XRCC4: variants seen among roughly 807,000 people sequenced by gnomAD.
XRCC4 encodes X-ray repair cross complementing 4.
XRCC4 carries 28 observed loss-of-function variants against 39.1 expected under a neutral mutation model. That is an observed-to-expected ratio of 0.72 (90% CI 0.53 to 0.98). The LOEUF is 0.98. Ranked by LOEUF, XRCC4 falls within the 50% of genes least tolerant of loss-of-function variation. The pLI is 0.00. For missense variants in XRCC4, 350 were observed against 376.4 expected, an observed-to-expected ratio of 0.93 and a Z score of 0.58; for synonymous variants, 123 against 126.4, an observed-to-expected ratio of 0.97 and a Z score of 0.18.
intron 7 of XRCC4, among the ~76,000 whole-genome samples, chr5:83,351,661 G>A (rs1397783212): frequency 2.0e-5 from 3 of 151,966 alleles, no homozygotes; most frequent in Non-Finnish European, 2.9e-5. Context: ...AAATCCCAGA[G>A]GGTAGTACTT....
intron 7 of XRCC4, chr5:83,259,357 T>G (rs765782416): frequency 6.6e-6 from 1 of 152,146 alleles, no homozygotes; most frequent in Non-Finnish European, 1.5e-5. Flanking sequence ...TTTTGTTAAT[T>G]CAGTAAATAG....
chr5:83,138,943 AAAT>A (rs756338621), intron 3 of XRCC4, among the ~76,000 whole-genome samples: 1 of 152,148 alleles, frequency 6.6e-6, no homozygotes, highest in African/African-American at 2.4e-5. Flanking sequence ...GAAGTTGAAA[AAAT>A]AATAAAGAGA....
At chr5:83,084,281 G>A (rs1000420180) in intron 1 of XRCC4, among the ~76,000 whole-genome samples, 2 of 152,172 alleles carry the variant, frequency 1.3e-5, no homozygotes, top group Non-Finnish European at 2.9e-5. Context: ...GGGAGTTAAT[G>A]CATTGTATAG....
intron 3 of XRCC4, among the ~76,000 whole-genome samples, chr5:83,132,200 A>G (rs1457465630): frequency 2.0e-5 from 3 of 152,086 alleles, no homozygotes; most frequent in African/African-American, 7.2e-5. Flanking sequence ...AGAATGTTGA[A>G]TATTGGCCCC....
At chr5:83,372,609 A>G in the XRCC4 span, among the ~76,000 whole-genome samples, 1 of 152,224 alleles carries the variant, frequency 6.6e-6, no homozygotes, top group Admixed American at 6.5e-5. Flanking sequence ...CATTATTTTT[A>G]AACTGTCTGT....
intron 1 of XRCC4, among the ~76,000 whole-genome samples, chr5:83,089,148 A>G (rs932298615): frequency 6.6e-6 from 1 of 152,238 alleles, no homozygotes; most frequent in Admixed American, 6.5e-5. Flanking sequence ...TGATACCTTG[A>G]TAACAAATGA....
intron 3 of XRCC4, among the ~76,000 whole-genome samples, chr5:83,140,661 A>T (rs1748126961): frequency 6.6e-6 from 1 of 152,328 alleles, no homozygotes; most frequent in South Asian, 2.1e-4. Flanking sequence ...TGAAAAACAA[A>T]TTTTTAAAAT....
At chr5:83,274,554 A>G (rs1051368620) in intron 7 of XRCC4, among the ~76,000 whole-genome samples, 19 of 152,244 alleles carry the variant, frequency 1.2e-4, no homozygotes, top group Non-Finnish European at 2.2e-4. Context: ...ATAAATAAAC[A>G]TGGACACATT....
chr5:83,270,211 G>A (rs1310429007), intron 7 of XRCC4, among the ~76,000 whole-genome samples: 6 of 152,054 alleles, frequency 3.9e-5, no homozygotes, highest in East Asian at 3.9e-4. Flanking sequence ...GATGGGAGGC[G>A]GCTGTAAATA....
rs572613361 is a variant in XRCC4, at chr5:83,111,138, T to C, written c.250T>C (p.Tyr84His). The C allele has an allele frequency of 5.6e-6, 9 of 1,606,258 alleles. No individual in the cohort carries two copies. The South Asian group carries it at 7.8e-5, about 14-fold the overall frequency. Reference sequence around the variant, plus strand: ...GTCAGGAGCAGGACCAGCTGATGTATACACGTTTAATTTTTCTAAAGAGTC... The same window carrying C: ...GTCAGGAGCAGGACCAGCTGATGTACACACGTTTAATTTTTCTAAAGAGTC... ...LLSGAGPADV[Y>H]TFNFSKESCY... Residue 84 changes from tyrosine to histidine, a missense_variant, in exon 3 of 8, where the codon TAC (tyrosine) becomes CAC (histidine). By Grantham distance (83) the Tyr-to-His change is moderately conservative. Transcript: ENST00000396027.
intron 3 of XRCC4, among the ~76,000 whole-genome samples, chr5:83,187,088 C>T (rs7722596): frequency 9.4e-6 from 1 of 106,874 alleles, no homozygotes; most frequent in Non-Finnish European, 2.0e-5. Context: ...GGACCACAGG[C>T]GCCCGCCACC....
rs569985491 is a variant in XRCC4, at chr5:83,209,965, A to G, written c.745+5044A>G. Among the ~76,000 whole-genome samples the G allele has an allele frequency of 5.3e-5, 8 of 152,304 alleles. No homozygotes were observed. In the South Asian group the frequency reaches 1.2e-3, roughly 24 times the overall value. ...TCTTAACCAACAGGAAGGTCCCTGT[A>G]TAACTGCTATCAGTAATTTAGGCTT... is the stretch of plus-strand genomic sequence containing the variant. On this transcript the variant is annotated intron_variant, in intron 6 of 7. Transcript: ENST00000396027.
chr5:83,116,617 T>C (rs867858376), intron 3 of XRCC4, among the ~76,000 whole-genome samples: 1 of 92,522 alleles, frequency 1.1e-5, no homozygotes, highest in African/African-American at 4.0e-5. Context: ...TCTTTTTTTT[T>C]TTTTTTTTTT....
chr5:83,230,570 TAAAC>T (rs1752459547), intron 6 of XRCC4, among the ~76,000 whole-genome samples: 2 of 152,050 alleles, frequency 1.3e-5, no homozygotes, highest in African/African-American at 2.4e-5. Context: ...TTTTACAACT[TAAAC>T]AAAAATAGCA....
At chr5:83,233,484 T>C (rs946927251) in intron 6 of XRCC4, among the ~76,000 whole-genome samples, 13 of 152,156 alleles carry the variant, frequency 8.5e-5, no homozygotes, top group African/African-American at 3.1e-4. Context: ...GTTTCCTTAC[T>C]GTTTGCCTTA....
At chr5:83,333,256 T>C (rs1043221193) in intron 7 of XRCC4, among the ~76,000 whole-genome samples, 2 of 152,204 alleles carry the variant, frequency 1.3e-5, no homozygotes, top group African/African-American at 4.8e-5. Context: ...TTCAATTACA[T>C]GTGTGGCAGA....
intron 7 of XRCC4, among the ~76,000 whole-genome samples, chr5:83,289,114 A>G (rs544787059): frequency 3.3e-5 from 5 of 151,836 alleles, no homozygotes; most frequent in African/African-American, 1.2e-4. Context: ...CTAGCATTTC[A>G]TTTTGATTCT....
At chr5:83,342,956 G>C (rs918949621) in intron 7 of XRCC4, among the ~76,000 whole-genome samples, 2 of 151,946 alleles carry the variant, frequency 1.3e-5, no homozygotes, top group African/African-American at 4.8e-5. Flanking sequence ...TCTGATAGCT[G>C]CTTAGTTACT....
chr5:83,185,434 A>G (rs1031497618), intron 3 of XRCC4, among the ~76,000 whole-genome samples: 1 of 149,924 alleles, frequency 6.7e-6, no homozygotes, highest in East Asian at 1.9e-4. Flanking sequence ...ATATATATAT[A>G]TATATAAAAC....
Sources: allele counts gnomAD v4.1 joint callset (sites outside exome capture counted in the v4.1 genomes callset), GRCh38; gene constraint gnomAD v4.1.1; transcripts MANE v1.5; gene names NCBI Gene and HGNC (gene_info 2026-07-23, HGNC 2026-07-21).